EPHA3: variants seen among roughly 807,000 people sequenced by gnomAD.
EPHA3 encodes EPH receptor A3.
EPHA3 carries 42 observed loss-of-function variants against 107.1 expected under a neutral mutation model. That is an observed-to-expected ratio of 0.39 (90% CI 0.31 to 0.51). The LOEUF (loss-of-function observed/expected upper bound fraction) is 0.51, where lower values mean the gene tolerates loss of function less well. EPHA3 is among the 20% of genes least tolerant of loss of function. The pLI is 0.78. For synonymous variants in EPHA3, 461 were observed against 424.8 expected (o/e 1.09, Z -1.05); for missense variants, 1,183 against 1,211.2 (o/e 0.98, Z 0.35).
At chr3:89,116,753 G>A (rs1054077613) in intron 1 of EPHA3, among the ~76,000 whole-genome samples, 2 of 146,996 alleles carry the variant, frequency 1.4e-5, no homozygotes, top group African/African-American at 5.0e-5. Flanking sequence ...TAATGTGGTG[G>A]TTAACCAAAG....
chr3:89,201,678 T>G (rs1705971908), intron 2 of EPHA3, among the ~76,000 whole-genome samples: 1 of 152,242 alleles, frequency 6.6e-6, no homozygotes, highest in South Asian at 2.1e-4. Flanking sequence ...TAAATGAATC[T>G]GTATCTTACA....
At chr3:89,445,979 T>C (rs1303698899) in intron 13 of EPHA3, among the ~76,000 whole-genome samples, 1 of 152,100 alleles carries the variant, frequency 6.6e-6, no homozygotes, top group Non-Finnish European at 1.5e-5. Flanking sequence ...CTAACAATAA[T>C]ATGTGTGTGT....
At chr3:89,140,317 C>T (rs1177425143) in intron 2 of EPHA3, among the ~76,000 whole-genome samples, 2 of 151,762 alleles carry the variant, frequency 1.3e-5, no homozygotes, top group Non-Finnish European at 2.9e-5. Flanking sequence ...ATTAGTATAT[C>T]ATTTTCCTAC....
chr3:89,298,053 A>G (rs1706400849), intron 3 of EPHA3, among the ~76,000 whole-genome samples: 1 of 152,058 alleles, frequency 6.6e-6, no homozygotes, highest in Non-Finnish European at 1.5e-5. Flanking sequence ...AAACAAACAA[A>G]CAAACAAAAA....
At chr3:89,370,609 T>A (rs1439870972) in intron 5 of EPHA3, among the ~76,000 whole-genome samples, 1 of 151,908 alleles carries the variant, frequency 6.6e-6, no homozygotes, top group Admixed American at 6.6e-5. Flanking sequence ...TATACATATG[T>A]AACTAACCTG....
chr3:89,316,785 G>A (rs1453340049), intron 3 of EPHA3, among the ~76,000 whole-genome samples: 6 of 151,418 alleles, frequency 4.0e-5, no homozygotes, highest in African/African-American at 1.4e-4. Context: ...GATTTGCACG[G>A]AAGTATCAGT....
At chr3:89,320,752 T>A (rs1273159466) in intron 3 of EPHA3, among the ~76,000 whole-genome samples, 1 of 152,086 alleles carries the variant, frequency 6.6e-6, no homozygotes, top group Non-Finnish European at 1.5e-5. Context: ...TATTTGAAAG[T>A]CTTTTATAAC....
intron 1 of EPHA3, among the ~76,000 whole-genome samples, chr3:89,111,156 G>A (rs970986349): frequency 1.3e-5 from 2 of 151,854 alleles, no homozygotes; most frequent in Non-Finnish European, 2.9e-5. Context: ...AATACTAGAG[G>A]AAACTATGCA....
chr3:89,185,838 TTA>T (rs1705551010), intron 2 of EPHA3, among the ~76,000 whole-genome samples: 1 of 152,044 alleles, frequency 6.6e-6, no homozygotes, highest in Non-Finnish European at 1.5e-5. Flanking sequence ...GCAACAGGAT[TTA>T]GAGGGATAAA....
At chr3:89,243,548 A>G (rs920328641) in intron 3 of EPHA3, among the ~76,000 whole-genome samples, 67 of 152,062 alleles carry the variant, frequency 4.4e-4, no homozygotes, top group Admixed American at 3.3e-3. Context: ...CTGCATAAAT[A>G]TCTTCTTTTG....
chr3:89,108,059 A>G (rs1707016153), intron 1 of EPHA3, among the ~76,000 whole-genome samples: 1 of 152,144 alleles, frequency 6.6e-6, no homozygotes, highest in Non-Finnish European at 1.5e-5. Flanking sequence ...TTTTAATCTG[A>G]CACCATTTCG....
intron 3 of EPHA3, among the ~76,000 whole-genome samples, chr3:89,321,693 A>G (rs1707046626): frequency 6.6e-6 from 1 of 152,150 alleles, no homozygotes; most frequent in Non-Finnish European, 1.5e-5. Flanking sequence ...TAGAATTATA[A>G]ATAAAGGTAC....
intron 3 of EPHA3, among the ~76,000 whole-genome samples, chr3:89,260,569 T>C (rs1255283774): frequency 6.6e-6 from 1 of 152,302 alleles, no homozygotes; most frequent in East Asian, 1.9e-4. Context: ...TTTTTTAATA[T>C]AAATTTTGGA....
intron 11 of EPHA3, among the ~76,000 whole-genome samples, chr3:89,421,245 T>C (rs975666584): frequency 3.3e-5 from 5 of 151,344 alleles, no homozygotes; most frequent in Non-Finnish European, 5.9e-5. Context: ...AAAACCCATG[T>C]TATTTGATGA....
At chr3:89,440,948 T>G (rs1308056582) in intron 13 of EPHA3, among the ~76,000 whole-genome samples, 1 of 152,240 alleles carries the variant, frequency 6.6e-6, no homozygotes, top group Admixed American at 6.5e-5. Flanking sequence ...TTGATACTCA[T>G]GTAGGTTTAA....
At chr3:89,376,678 A>G (rs1012507367) in intron 5 of EPHA3, among the ~76,000 whole-genome samples, 10 of 152,058 alleles carry the variant, frequency 6.6e-5, no homozygotes, top group African/African-American at 2.4e-4. Flanking sequence ...TTTGGATTAA[A>G]ATGTGTTGAT....
chr3:89,246,224 C>A lies in EPHA3; in HGVS notation c.814+35704C>A, dbSNP rs75356400. Among the ~76,000 whole-genome samples, 12 of 151,996 alleles carry A rather than the reference C, an allele frequency of 7.9e-5. No individual in the cohort carries two copies. The East Asian group carries it at 1.7e-3, about 22-fold the overall frequency. On this transcript the variant is annotated intron_variant, in intron 3 of 16. Coordinates refer to ENST00000336596, the MANE Select transcript of EPHA3 (RefSeq NM_005233.6). Reference sequence around the variant, plus strand: ...AGCATGTGTGATAAATATCACACTTCCAGTGCAGTATGGAAACTTGAAGTT... The same window carrying A: ...AGCATGTGTGATAAATATCACACTTACAGTGCAGTATGGAAACTTGAAGTT...
chr3:89,189,189 G>T (rs1314742755), intron 2 of EPHA3, among the ~76,000 whole-genome samples: 17 of 152,322 alleles, frequency 1.1e-4, no homozygotes, highest in South Asian at 4.1e-4. Flanking sequence ...TATGAAATGA[G>T]ATGTATACCT....
At chr3:89,264,198 G>A (rs1032847543) in intron 3 of EPHA3, among the ~76,000 whole-genome samples, 8 of 152,142 alleles carry the variant, frequency 5.3e-5, no homozygotes, top group Non-Finnish European at 1.2e-4. Context: ...CTGTAAATCT[G>A]TGAAACTCTT....
Sources: allele counts gnomAD v4.1 joint callset (sites outside exome capture counted in the v4.1 genomes callset), GRCh38; gene constraint gnomAD v4.1.1; transcripts MANE v1.5; gene names NCBI Gene and HGNC (gene_info 2026-07-23, HGNC 2026-07-21).